CEP85L: variants seen among roughly 807,000 people sequenced by gnomAD.
CEP85L encodes centrosomal protein 85L.
A neutral mutation model predicts 100.3 loss-of-function variants in CEP85L; 60 were observed. That is an observed-to-expected ratio of 0.60 (90% confidence interval 0.49 to 0.74). The LOEUF (loss-of-function observed/expected upper bound fraction) is 0.74, where lower values mean the gene tolerates loss of function less well. Ranked by LOEUF, CEP85L falls within the 30% of genes least tolerant of loss-of-function variation. CEP85L has a pLI of 0.00. For missense variants in CEP85L, 973 were observed against 936.2 expected (o/e 1.04, Z -0.51); for synonymous variants, 319 against 322.7 (o/e 0.99, Z 0.12).
intron 1 of CEP85L, among the ~76,000 whole-genome samples, chr6:118,675,200 T>C (rs1413475163): frequency 6.6e-6 from 1 of 152,124 alleles, no homozygotes; most frequent in African/African-American, 2.4e-5. Context: ...AACATTATAC[T>C]AAGTGAAAGA....
At chr6:118,504,203 G>A (rs1397204121) in intron 5 of CEP85L, among the ~76,000 whole-genome samples, 1 of 151,892 alleles carries the variant, frequency 6.6e-6, no homozygotes, top group Admixed American at 6.6e-5. Flanking sequence ...ATGAAACCCT[G>A]TCTCTCACTA....
chr6:118,528,128 A>T (rs1260231855), intron 3 of CEP85L, among the ~76,000 whole-genome samples: 1 of 152,040 alleles, frequency 6.6e-6, no homozygotes, highest in Non-Finnish European at 1.5e-5. Context: ...AGACATTAAC[A>T]CTATTTTACT....
intron 2 of CEP85L, among the ~76,000 whole-genome samples, chr6:118,566,743 T>C (rs1305352417): frequency 2.0e-5 from 3 of 152,190 alleles, no homozygotes; most frequent in Non-Finnish European, 2.9e-5. Flanking sequence ...CAAAAAGACG[T>C]CCTCAAAATG....
At chr6:118,533,165 A>G (rs1245470399) in intron 3 of CEP85L, among the ~76,000 whole-genome samples, 3 of 152,152 alleles carry the variant, frequency 2.0e-5, no homozygotes, top group Non-Finnish European at 2.9e-5. Context: ...AAACAGAAAA[A>G]AACAGAAAAA....
chr6:118,632,697 G>A, intron 1 of CEP85L, 86 bp from the exon 2 acceptor site: 1 of 884,700 alleles, frequency 1.1e-6, no homozygotes, highest in South Asian at 2.4e-5. Context: ...TACACATAGG[G>A]TATAAAAGGT....
At chr6:118,641,206 T>C (rs985067148) in intron 1 of CEP85L, among the ~76,000 whole-genome samples, 3 of 152,244 alleles carry the variant, frequency 2.0e-5, no homozygotes, top group Non-Finnish European at 2.9e-5. Context: ...TCTCTTAATA[T>C]CTTACTAGCA....
chr6:118,618,898 A>C (rs572160117), intron 2 of CEP85L, among the ~76,000 whole-genome samples: 1 of 152,312 alleles, frequency 6.6e-6, no homozygotes, highest in Admixed American at 6.5e-5. Flanking sequence ...TTGCCACCCC[A>C]GAACAGATAG....
At position 118,470,587 on chromosome 6, in the gene CEP85L, G is replaced by T; in HGVS notation, c.1972C>A (p.Leu658Met). The change falls in exon 11 of 13, where the codon CTG becomes ATG. Residue 658 changes from leucine to methionine, a missense_variant. Leu to Met is a conservative substitution (Grantham distance 15). This residue lies in a region of CEP85L where 890 missense variants were observed against 844.5 expected (regional missense o/e 1.05). Coordinates refer to ENST00000368491, the MANE Select transcript of CEP85L (RefSeq NM_001042475.3). ...TGTACATTTCTTTCTTTCTTTTCCA[G>T]CTCTTCCATCATCTTTTGAGTGGTC... is the stretch of plus-strand genomic sequence containing the variant. ...KLTTQKMMEE[L>M]EKKERNVQRL... is the part of the protein sequence containing the mutation. 6.2e-7 allele frequency: 1 copy of T among 1,606,258 alleles called. No individual in the cohort carries two copies. The highest frequency in any genetic ancestry group is 8.5e-7 in the Non-Finnish European group (1 of 1,176,116).
At chr6:118,656,331 G>A (rs1426207022), upstream of CEP85L, among the ~76,000 whole-genome samples, 1 of 152,220 alleles carries the variant, frequency 6.6e-6, no homozygotes, top group Non-Finnish European at 1.5e-5. Context: ...AAGCTGAAAT[G>A]TGGAGAGAAG....
At chr6:118,487,323 A>C (rs1385893826) in intron 6 of CEP85L, among the ~76,000 whole-genome samples, 2 of 152,192 alleles carry the variant, frequency 1.3e-5, no homozygotes, top group Non-Finnish European at 2.9e-5. Context: ...ATAATTAGGC[A>C]ATGTGTCTCA....
intron 5 of CEP85L, chr6:118,501,843 A>G: frequency 1.5e-6 from 2 of 1,298,536 alleles, no homozygotes; most frequent in South Asian, 1.2e-5. Flanking sequence ...GACTCTGGAG[A>G]TGCCGAAGCA....
intron 3 of CEP85L, among the ~76,000 whole-genome samples, chr6:118,549,687 C>T (rs1778425411): frequency 6.6e-6 from 1 of 151,776 alleles, no homozygotes; most frequent in Admixed American, 6.6e-5. Context: ...ACATAAAAGT[C>T]ATTCAGTGTA....
intron 3 of CEP85L, among the ~76,000 whole-genome samples, chr6:118,546,462 C>T (rs1011550587): frequency 3.9e-5 from 6 of 152,120 alleles, no homozygotes; most frequent in Non-Finnish European, 5.9e-5. Flanking sequence ...GATCTATCAC[C>T]TAAATTTCAA....
chr6:118,565,482 TCATAA>T (rs1366491854), intron 3 of CEP85L, 42 bp downstream of exon 3: 6 of 1,547,324 alleles, frequency 3.9e-6, no homozygotes, highest in Admixed American at 1.7e-5. Flanking sequence ...GCTACTGTAC[TCATAA>T]CATCCACTGG....
intron 2 of CEP85L, among the ~76,000 whole-genome samples, chr6:118,630,313 C>T (rs1774064490): frequency 6.6e-6 from 1 of 152,180 alleles, no homozygotes; most frequent in South Asian, 2.1e-4. Context: ...CCCACTCTGC[C>T]TGGAAATGCC....
chr6:118,632,563 T>A lies in CEP85L; in HGVS notation c.122A>T (p.Gln41Leu). 1 of 1,612,438 alleles carries A rather than the reference T, an allele frequency of 6.2e-7. No individual in the cohort carries two copies. The highest frequency in any genetic ancestry group is 8.5e-7 in the Non-Finnish European group (1 of 1,179,308). ...ATGGTTAGATGGAACAGTTGTGGCC[T>A]GCCACAATGATTCATTAGCAGGTAG... ...AWLPANESLW[Q>L]ATTVPSNHRN... Residue 41 changes from glutamine to leucine, a missense_variant, in exon 2 of 13, where the codon CAG (glutamine) becomes CTG (leucine). This residue lies in a region of CEP85L where 79 missense variants were observed against 73.3 expected (regional missense o/e 1.08). Coordinates refer to ENST00000368491, the MANE Select transcript of CEP85L (RefSeq NM_001042475.3).
At position 118,668,977 on chromosome 6, in the gene CEP85L, A is replaced by G. The variant is rs556624763; in HGVS notation, c.-27-16169T>C. 3.9e-5 allele frequency among the ~76,000 whole-genome samples: 6 copies of G among 152,320 alleles called. No homozygotes were observed. The East Asian group carries it at 1.2e-3, about 29-fold the overall frequency. On this transcript the variant is annotated intron_variant, in intron 1 of 13. Coordinates refer to the CEP85L transcript ENST00000368488. ...ACTCAAGTTTCTTGCCAGAGAGCTG[A>G]TTTGCAGAAGTAAACAAACTGGGAG...
intron 2 of CEP85L, among the ~76,000 whole-genome samples, chr6:118,629,702 G>C (rs1246119083): frequency 1.3e-5 from 2 of 152,312 alleles, no homozygotes; most frequent in South Asian, 4.1e-4. Flanking sequence ...GAGCTCCTAA[G>C]TATTTAGGCA....
intron 6 of CEP85L, among the ~76,000 whole-genome samples, chr6:118,490,721 C>A (rs1037710862): frequency 2.0e-5 from 3 of 152,156 alleles, no homozygotes; most frequent in Admixed American, 6.6e-5. Flanking sequence ...AGAATAGATA[C>A]ACTGTAGTAT....
Sources: allele counts gnomAD v4.1 joint callset (sites outside exome capture counted in the v4.1 genomes callset), GRCh38; gene constraint gnomAD v4.1.1; regional missense constraint gnomAD v4.1.1; transcripts MANE v1.5; gene names NCBI Gene and HGNC (gene_info 2026-07-23, HGNC 2026-07-21).